The following CCDC88C variants were observed in gnomAD, a reference collection of about 807,000 sequenced individuals.
The protein encoded by CCDC88C is protein Daple.
CCDC88C carries 131 observed loss-of-function variants against 198.8 expected under a neutral mutation model. The observed-to-expected ratio is 0.66, with a 90% CI of 0.57 to 0.76. The LOEUF is 0.76. CCDC88C is among the 30% of genes least tolerant of loss of function. The pLI is 0.00. For missense variants in CCDC88C, 2,553 were observed against 2,631.6 expected, an observed-to-expected ratio of 0.97 and a Z score of 0.65; for synonymous variants, 1,166 against 1,114.7, an observed-to-expected ratio of 1.05 and a Z score of -0.92.
intron 3 of CCDC88C, among the ~76,000 whole-genome samples, chr14:91,388,409 C>T (rs1248220312): frequency 6.6e-6 from 1 of 152,190 alleles, no homozygotes; most frequent in African/African-American, 2.4e-5. Context: ...GACACTGATG[C>T]TACAGCCTCC....
chr14:91,331,681 C>T (rs1449834041), intron 10 of CCDC88C, among the ~76,000 whole-genome samples: 1 of 152,218 alleles, frequency 6.6e-6, no homozygotes, highest in African/African-American at 2.4e-5. Flanking sequence ...ACGGTCCCCA[C>T]CTCCTTGGGG....
At chr14:91,300,301 G>T (rs1427191329) in intron 20 of CCDC88C, among the ~76,000 whole-genome samples, 2 of 152,186 alleles carry the variant, frequency 1.3e-5, no homozygotes, top group Non-Finnish European at 2.9e-5. Flanking sequence ...CCTCCAGCCC[G>T]TTCTGTCTCC....
At chr14:91,295,584 A>T (rs535545632) in intron 22 of CCDC88C, among the ~76,000 whole-genome samples, 1 of 152,328 alleles carries the variant, frequency 6.6e-6, no homozygotes, top group East Asian at 1.9e-4. Flanking sequence ...AGTGCATCCC[A>T]GTAACGATGG....
intron 3 of CCDC88C, chr14:91,378,895 T>C (rs1335652306): frequency 2.0e-5 from 3 of 152,236 alleles, no homozygotes; most frequent in Non-Finnish European, 1.5e-5. Context: ...CTCCCACTGA[T>C]GGGCATCTGG....
intron 20 of CCDC88C, among the ~76,000 whole-genome samples, chr14:91,303,307 C>T (rs908144686): frequency 2.0e-5 from 3 of 151,602 alleles, no homozygotes; most frequent in South Asian, 2.1e-4. Context: ...TGAGACCCCA[C>T]CTCTGCTCCA....
rs1892526419 is a variant in CCDC88C, at chr14:91,325,059, G to T, written c.1198-136C>A. ...GGCTCACTTCCAAATAAACAGAGCT[G>T]CACAGAAACATCCCAACACAGGGCC... On this transcript the variant is annotated intron_variant, in intron 11 of 29. Coordinates refer to ENST00000389857, the MANE Select transcript of CCDC88C (RefSeq NM_001080414.4). The surrounding 1 kb of genome is among the most constrained non-coding windows in gnomAD (Gnocchi z 4.1). The T allele has an allele frequency of 4.4e-6, 5 of 1,136,394 alleles. No individual in the cohort carries two copies. The highest frequency in any genetic ancestry group is 1.5e-5 in the African/African-American group (1 of 64,782). 70.4% of individuals were successfully genotyped at this position (1,136,394 alleles called of 1,614,324 possible). A position where few individuals can be genotyped will look rare whatever the true frequency, so the allele number is the denominator to read the frequency against.
chr14:91,331,177 C>T (rs1257441156), intron 10 of CCDC88C, among the ~76,000 whole-genome samples: 7 of 152,096 alleles, frequency 4.6e-5, no homozygotes, highest in Non-Finnish European at 8.8e-5. Context: ...CCACAGCTGA[C>T]ACTGCTTTCA....
rs1418557527 is a variant in CCDC88C at position 91,399,470 on chromosome 14, C to T, written c.270+9189G>A. 2.6e-5 allele frequency among the ~76,000 whole-genome samples: 4 copies of T among 152,306 alleles called. No individual in the cohort carries two copies. In the East Asian group the frequency reaches 7.7e-4, roughly 29 times the overall value. ...CACAGTCCAGGGCCCTGCCACCTGC[C>T]AACCCCTCCCAACACCTGTGCATTC... is the stretch of plus-strand genomic sequence containing the variant. On this transcript the variant is annotated intron_variant, in intron 3 of 29. Coordinates refer to ENST00000389857, the MANE Select transcript of CCDC88C (RefSeq NM_001080414.4).
intron 3 of CCDC88C, among the ~76,000 whole-genome samples, chr14:91,407,639 A>T (rs1394783083): frequency 6.6e-6 from 1 of 152,154 alleles, no homozygotes; most frequent in Non-Finnish European, 1.5e-5. Context: ...TATGGGGGGA[A>T]CGTTTCACTG....
chr14:91,350,376 G>T (rs1893734857), intron 4 of CCDC88C, among the ~76,000 whole-genome samples: 1 of 152,110 alleles, frequency 6.6e-6, no homozygotes, highest in Non-Finnish European at 1.5e-5. Flanking sequence ...TGGCCAGGCT[G>T]GTCTTGAGCT....
intron 25 of CCDC88C, among the ~76,000 whole-genome samples, chr14:91,286,025 C>T (rs1890393135): frequency 6.6e-6 from 1 of 152,192 alleles, no homozygotes; most frequent in Non-Finnish European, 1.5e-5. Context: ...CAGTAATCAT[C>T]TGTGCTCTGA....
At chr14:91,307,312 C>G (rs1311109814) in intron 17 of CCDC88C, 86 bp from the exon 18 acceptor site, 1 of 1,087,184 alleles carries the variant, frequency 9.2e-7, no homozygotes, top group Non-Finnish European at 1.4e-6. Context: ...GCAACCTGCA[C>G]CACACCCTCC....
chr14:91,336,696 A>T (rs1893060680), intron 10 of CCDC88C, among the ~76,000 whole-genome samples: 1 of 152,174 alleles, frequency 6.6e-6, no homozygotes, highest in Non-Finnish European at 1.5e-5. Context: ...AGCCTTCAGG[A>T]TGCTCCTCAG....
At chr14:91,409,880 G>A (rs1886711240) in intron 2 of CCDC88C, among the ~76,000 whole-genome samples, 1 of 152,144 alleles carries the variant, frequency 6.6e-6, no homozygotes. Flanking sequence ...TCTTGGGCTG[G>A]TCCTCCCTGT....
intron 28 of CCDC88C, among the ~76,000 whole-genome samples, chr14:91,278,702 T>C (rs1235973840): frequency 6.6e-6 from 1 of 152,082 alleles, no homozygotes; most frequent in Non-Finnish European, 1.5e-5. Context: ...TCGGGACCTG[T>C]GACATGCCTG....
intron 23 of CCDC88C, among the ~76,000 whole-genome samples, chr14:91,291,288 CCT>C (rs1209469042): frequency 3.3e-5 from 5 of 152,112 alleles, no homozygotes; most frequent in African/African-American, 1.2e-4. Context: ...GCTCTATGAC[CCT>C]GAGATTTACT....
intron 4 of CCDC88C, among the ~76,000 whole-genome samples, chr14:91,344,779 T>C (rs1208131172): frequency 1.3e-5 from 2 of 151,058 alleles, no homozygotes; most frequent in African/African-American, 4.9e-5. Context: ...GATTACAGGC[T>C]TGAGCCACCG....
At chr14:91,307,353 T>C in intron 17 of CCDC88C, 127 bp from the exon 18 acceptor site, 3 of 757,960 alleles carry the variant, frequency 4.0e-6, no homozygotes, top group Non-Finnish European at 6.6e-6. Flanking sequence ...CCCTGGTCTG[T>C]GTAAGCCAGA....
intron 22 of CCDC88C, among the ~76,000 whole-genome samples, chr14:91,297,084 G>T (rs563077206): frequency 6.6e-6 from 1 of 152,336 alleles, no homozygotes; most frequent in South Asian, 2.1e-4. Flanking sequence ...CCTGCAAAAG[G>T]TGACGGTCAG....
Sources: allele counts gnomAD v4.1 joint callset (sites outside exome capture counted in the v4.1 genomes callset), GRCh38; gene constraint gnomAD v4.1.1; non-coding constraint Gnocchi (gnomAD v3.1); transcripts MANE v1.5; gene names NCBI Gene and HGNC (gene_info 2026-07-23, HGNC 2026-07-21).